The following SNRPA1 variants were observed in gnomAD, a reference collection of about 807,000 sequenced individuals.
The protein encoded by SNRPA1 is small nuclear ribonucleoprotein polypeptide A'.
In SNRPA1, 5 loss-of-function variants were observed where a neutral mutation model predicts 32.3. The ratio of observed to expected loss-of-function variants is 0.15; its 90% confidence interval spans 0.08 to 0.33. The LOEUF (loss-of-function observed/expected upper bound fraction) is 0.33. SNRPA1 is among the 10% of genes least tolerant of loss of function. The pLI is 1.00. For missense variants in SNRPA1, 198 were observed against 311.1 expected, an observed-to-expected ratio of 0.64 and a Z score of 2.74; for synonymous variants, 111 against 120.1, an observed-to-expected ratio of 0.92 and a Z score of 0.50.
chr15:101,285,508 A>C (rs2039445176), intron 7 of SNRPA1, among the ~76,000 whole-genome samples: 1 of 152,274 alleles, frequency 6.6e-6, no homozygotes, highest in African/African-American at 2.4e-5. Flanking sequence ...TTGGAAAATG[A>C]GAAAGACAAA....
intron 5 of SNRPA1, 51 bp downstream of exon 5, chr15:101,286,857 A>G: frequency 1.1e-6 from 1 of 919,702 alleles, no homozygotes; most frequent in Non-Finnish European, 1.7e-6. Flanking sequence ...AAAAATATAA[A>G]GAAAAACACA....
At chr15:101,283,849 A>G (rs1393856733) in intron 8 of SNRPA1, among the ~76,000 whole-genome samples, 1 of 152,234 alleles carries the variant, frequency 6.6e-6, no homozygotes, top group Non-Finnish European at 1.5e-5. Flanking sequence ...CTGAGGCAGG[A>G]GAATCGCTTG....
In SNRPA1 at chr15:101,281,788, G is replaced by A; in HGVS notation, c.710-6C>T. The A allele has an allele frequency of 6.2e-7, 1 of 1,613,860 alleles. No homozygotes were observed. The highest frequency in any genetic ancestry group is 8.5e-7 in the Non-Finnish European group (1 of 1,179,724). ...TTCACCATCATCAGTGGGCCCTAAA[G>A]AAAACCACCAAAGCAAAAGTAGTAT... On this transcript the variant is annotated splice_region_variant and splice_polypyrimidine_tract_variant and intron_variant, in intron 8 of 8. Coordinates refer to ENST00000254193, the MANE Select transcript of SNRPA1 (RefSeq NM_003090.4).
intron 1 of SNRPA1, chr15:101,294,847 C>T (rs553090507): frequency 2.5e-6 from 1 of 406,558 alleles, no homozygotes; most frequent in Admixed American, 4.4e-5. Context: ...CGAGGACGCA[C>T]CAGGAAGTAA....
At chr15:101,285,249 C>A (rs556924654) in intron 7 of SNRPA1, 189 bp from the exon 8 acceptor site, 1 of 542,906 alleles carries the variant, frequency 1.8e-6, no homozygotes, top group Admixed American at 3.1e-5. Flanking sequence ...CCACAAATTT[C>A]TAAAATTGGT....
In SNRPA1 at chr15:101,292,139, T is replaced by A. The variant is rs942506899; in HGVS notation, c.231-99A>T. 8.4e-5 allele frequency: 69 copies of A among 825,020 alleles called. No individual in the cohort carries two copies. In the African/African-American group the frequency reaches 1.1e-3, roughly 13 times the overall value. The allele number at this position is 825,020 out of a possible 1,614,324, so 51.1% of individuals were successfully genotyped here. A position where few individuals can be genotyped will look rare whatever the true frequency, so the allele number is the denominator to read the frequency against. On this transcript the variant is annotated intron_variant, in intron 2 of 8. Coordinates refer to ENST00000254193, the MANE Select transcript of SNRPA1 (RefSeq NM_003090.4). The stretch of plus-strand genomic sequence containing the variant: ...AGGATCACAGAGAGACACTTAGAGA[T>A]CCTTCTTCCAACACCCTGATAAAGA...
At chr15:101,294,533 T>C (rs2039565324) in intron 1 of SNRPA1, among the ~76,000 whole-genome samples, 1 of 152,198 alleles carries the variant, frequency 6.6e-6, no homozygotes, top group East Asian at 1.9e-4. Flanking sequence ...CACCCGGCGG[T>C]GCAAGCCTGG....
rs1007252476 is a variant in SNRPA1 at position 101,281,654 on chromosome 15, G to A, written c.*70C>T. On this transcript the variant is annotated 3_prime_UTR_variant, in exon 9 of 9. Transcript: ENST00000254193. ...ATTCCACTTTGCTAACACAAACAAGGCTATTATACCATGTTCGAAAAGCAA... is the reference window on the plus strand; with the variant it reads ...ATTCCACTTTGCTAACACAAACAAGACTATTATACCATGTTCGAAAAGCAA... 9.1e-7 allele frequency: 1 copy of A among 1,101,384 alleles called. No homozygotes were observed. Among genetic ancestry groups the A allele is most frequent in the African/African-American group, 1.5e-5 (1 of 64,868 alleles). 68.2% of individuals were successfully genotyped at this position (1,101,384 alleles called of 1,614,324 possible). A position where few individuals can be genotyped will look rare whatever the true frequency, so the allele number is the denominator to read the frequency against.
chr15:101,286,185 T>G (rs766337077), intron 6 of SNRPA1, 29 bp downstream of exon 6: 13 of 1,576,492 alleles, frequency 8.2e-6, no homozygotes, highest in Non-Finnish European at 1.1e-5. Context: ...GAAGGTGAAG[T>G]AGAGTTAAGT....
chr15:101,281,578 A>G lies in SNRPA1; in HGVS notation c.*146T>C, dbSNP rs1017747133. 8 of 613,384 alleles carry G rather than the reference A, an allele frequency of 1.3e-5. No homozygotes were observed. Among genetic ancestry groups the G allele is most frequent in the Non-Finnish European group, 2.1e-5 (7 of 338,354 alleles). The allele number at this position is 613,384 out of a possible 1,614,324, so 38.0% of individuals were successfully genotyped here. A position where few individuals can be genotyped will look rare whatever the true frequency, so the allele number is the denominator to read the frequency against. ...AATTGACATTTAGATTTCAAAACTT[A>G]TATTACAAAATTATCAGCAGCAGTC... is the stretch of plus-strand genomic sequence containing the variant. On this transcript the variant is annotated 3_prime_UTR_variant, in exon 9 of 9. Transcript: ENST00000254193.
At chr15:101,291,568 T>C (rs1187420660) in intron 3 of SNRPA1, among the ~76,000 whole-genome samples, 4 of 152,044 alleles carry the variant, frequency 2.6e-5, no homozygotes, top group Non-Finnish European at 5.9e-5. Context: ...GTGTATTTTA[T>C]AGTTCTAGCA....
At chr15:101,290,857 T>A (rs187556263) in intron 3 of SNRPA1, among the ~76,000 whole-genome samples, 11 of 151,538 alleles carry the variant, frequency 7.3e-5, no homozygotes, top group Admixed American at 7.2e-4. Flanking sequence ...TCCTCCTGTC[T>A]CAGCCTCCCA....
At chr15:101,288,024 G>A (rs2039474675) in intron 3 of SNRPA1, 1 of 311,270 alleles carries the variant, frequency 3.2e-6, no homozygotes, top group Non-Finnish European at 6.3e-6. Context: ...GGACTCTGGA[G>A]CAACCTATTC....
chr15:101,291,811 T>A, intron 3 of SNRPA1, 151 bp downstream of exon 3: 1 of 553,624 alleles, frequency 1.8e-6, no homozygotes, highest in Non-Finnish European at 3.2e-6. Flanking sequence ...AACATACGGC[T>A]GCAGAACCCA....
chr15:101,295,033 A>G, intron 1 of SNRPA1, 64 bp downstream of exon 1: 1 of 1,126,486 alleles, frequency 8.9e-7, no homozygotes, highest in Non-Finnish European at 1.2e-6. Flanking sequence ...GCACGCGGCA[A>G]AGCGCGGAAA....
At chr15:101,283,889 G>A (rs1310288836) in intron 8 of SNRPA1, among the ~76,000 whole-genome samples, 2 of 152,236 alleles carry the variant, frequency 1.3e-5, no homozygotes, top group East Asian at 1.9e-4. Flanking sequence ...GGCGTGAGCC[G>A]AGATCGCGCC....
At chr15:101,292,952 G>T in intron 2 of SNRPA1, 73 bp downstream of exon 2, 1 of 1,010,006 alleles carries the variant, frequency 9.9e-7, no homozygotes, top group Non-Finnish European at 1.4e-6. Context: ...AGTAGCACGT[G>T]CTACAACTTC....
At chr15:101,287,736 T>C (rs745326979) in intron 3 of SNRPA1, 34 bp from the exon 4 acceptor site, 7 of 1,590,100 alleles carry the variant, frequency 4.4e-6, no homozygotes, top group Non-Finnish European at 6.0e-6. Flanking sequence ...AGAACGCGAA[T>C]ACCACACGCT....
chr15:101,284,114 C>CTAGCATAAAGCAGGCATTCAGA (rs1388362758), intron 8 of SNRPA1, among the ~76,000 whole-genome samples: 6 of 152,230 alleles, frequency 3.9e-5, no homozygotes, highest in African/African-American at 1.4e-4. Flanking sequence ...CACATGCAGC[C>CTAGCATAAAGCAGGCATTCAGA]TAGCATAAAG....
Sources: allele counts gnomAD v4.1 joint callset (sites outside exome capture counted in the v4.1 genomes callset), GRCh38; gene constraint gnomAD v4.1.1; transcripts MANE v1.5; gene names NCBI Gene and HGNC (gene_info 2026-07-23, HGNC 2026-07-21).